The following ZNF142 variants were observed in gnomAD, a reference collection of about 807,000 sequenced individuals.
The protein encoded by ZNF142 is zinc finger protein 142, also known as zinc finger protein 142 (clone pHZ-49).
ZNF142 carries 96 observed loss-of-function variants against 132.1 expected under a neutral mutation model. The observed-to-expected ratio is 0.73, with a 90% CI of 0.62 to 0.86. The LOEUF (loss-of-function observed/expected upper bound fraction) is 0.86. Among genes scored for constraint, ZNF142 ranks in the 40% least tolerant of loss-of-function variants. ZNF142 has a pLI of 0.00. For missense variants in ZNF142, 2,163 were observed against 2,336.2 expected, an observed-to-expected ratio of 0.93 and a Z score of 1.53; for synonymous variants, 842 against 890.1, an observed-to-expected ratio of 0.95 and a Z score of 0.96.
chr2:218,649,329 G>A lies in ZNF142; in HGVS notation c.1179C>T (p.Cys393=). 6.2e-7 allele frequency: 1 copy of A among 1,614,230 alleles called. No individual in the cohort carries two copies. The highest frequency in any genetic ancestry group is 8.5e-7 in the Non-Finnish European group (1 of 1,180,040). Residue 393 remains cysteine (C), a synonymous_variant, in exon 7 of 11, where the codon TGC becomes TGT. Coordinates refer to ENST00000411696, the MANE Select transcript of ZNF142 (RefSeq NM_001379659.1). ...HLHFPDPSLQ[C]PNCQKFFTSK... ...TGGTGAAGAACTTCTGGCAGTTAGGGCACTGGAGGCTGGGGTCTGGGAAGT... is the reference window on the plus strand; with the variant it reads ...TGGTGAAGAACTTCTGGCAGTTAGGACACTGGAGGCTGGGGTCTGGGAAGT...
In ZNF142 at chr2:218,640,754, G is replaced by C; in HGVS notation, c.5104C>G (p.His1702Asp). Residue 1702 changes from histidine to aspartate, a missense_variant, in exon 10 of 11, where the codon CAC (histidine) becomes GAC (aspartate). His to Asp is a moderately conservative substitution (Grantham distance 81). Around this residue, in one of 7 missense-constraint regions of ZNF142, gnomAD observed 325 missense variants for 367.8 expected, o/e 0.88. Coordinates refer to ENST00000411696, the MANE Select transcript of ZNF142 (RefSeq NM_001379659.1). ...PSRLKYHMRIHKEERKYLCPE... is the reference protein window; with the variant it reads ...PSRLKYHMRIDKEERKYLCPE... ...CACAGGTACTTCCGTTCCTCCTTGT[G>C]GATCCGCATGTGGTACTGGAAGAGG... is the stretch of plus-strand genomic sequence containing the variant. The C allele has an allele frequency of 6.2e-7, 1 of 1,614,142 alleles. No individual in the cohort carries two copies. The highest frequency in any genetic ancestry group is 8.5e-7 in the Non-Finnish European group (1 of 1,180,018).
At position 218,656,323 on chromosome 2, in the gene ZNF142, A is replaced by G. The variant is rs754624032; in HGVS notation, c.107T>C (p.Ile36Thr). ...ACAGGGGCTCTGGACAGGCCCCAGG[A>G]TTCCACGGTTAGAGAGAGGCGGGGG... Reference protein sequence around the residue: ...LIPPPLSNRGILGPVQSPCPS... With the variant: ...LIPPPLSNRGTLGPVQSPCPS... Residue 36 changes from isoleucine (I) to threonine (T), a missense_variant, in exon 4 of 11, where the codon ATC (isoleucine) becomes ACC (threonine). Coordinates refer to ENST00000411696, the MANE Select transcript of ZNF142 (RefSeq NM_001379659.1). 1.2e-6 allele frequency: 2 copies of G among 1,603,224 alleles called. No homozygotes were observed. Among genetic ancestry groups the G allele is most frequent in the Admixed American group, 3.4e-5 (2 of 58,914 alleles).
rs376855597 is a variant in ZNF142 at position 218,642,965 on chromosome 2, C to T, written c.4151G>A (p.Arg1384His). 41 of 1,613,408 alleles carry T rather than the reference C, an allele frequency of 2.5e-5. No homozygotes were observed. In the Admixed American group the frequency reaches 3.5e-4, roughly 14 times the overall value. The change falls in exon 9 of 11, where the codon CGT becomes CAT. Residue 1384 changes from arginine (R) to histidine (H), a missense_variant. Arg to His is a conservative substitution (Grantham distance 29). Transcript: ENST00000411696. The surrounding 1 kb of genome is among the most constrained non-coding windows in gnomAD (Gnocchi z 4.6). The part of the protein sequence containing the change: ...GDCGFTCKQS[R>H]CMQQHRRLKH... ...GAGCCGCCGGTGCTGCTGCATGCAACGGCTCTGTTTACAGGTGAAGCCACA... is the reference window on the plus strand; with the variant it reads ...GAGCCGCCGGTGCTGCTGCATGCAATGGCTCTGTTTACAGGTGAAGCCACA...
rs781437365 is a variant in ZNF142 at position 218,646,216 on chromosome 2, T to C, written c.2006A>G (p.Lys669Arg). The C allele has an allele frequency of 6.2e-7, 1 of 1,614,198 alleles. No homozygotes were observed. The highest frequency in any genetic ancestry group is 8.5e-7 in the Non-Finnish European group (1 of 1,180,034). The part of the protein sequence containing the change: ...CTECGYVTKW[K>R]HYLRVHMRKH... ...TCGCATGTGCACACGGAGGTAGTGC[T>C]TCCACTTGGTGACATAGCCACATTC... Residue 669 changes from lysine (K) to arginine (R), a missense_variant, in exon 8 of 11, where the codon AAG becomes AGG. Physicochemically the swap from Lys to Arg is conservative, Grantham distance 26 (BLOSUM62 2). Transcript: ENST00000411696.
rs201776551 is a variant in ZNF142, at chr2:218,652,137, T to C, written c.444A>G (p.Pro148=). 16 of 448,990 alleles carry C rather than the reference T, an allele frequency of 3.6e-5. No individual in the cohort carries two copies. The highest frequency in any genetic ancestry group is 7.2e-5 in the Non-Finnish European group (16 of 222,282). 27.8% of individuals were successfully genotyped at this position (448,990 alleles called of 1,614,324 possible). A position where few individuals can be genotyped will look rare whatever the true frequency, so the allele number is the denominator to read the frequency against. The change falls in exon 5 of 11, where the codon CCA becomes CCG. Residue 148 remains proline, a synonymous_variant. Coordinates refer to ENST00000411696, the MANE Select transcript of ZNF142 (RefSeq NM_001379659.1). ...PCSVELPPSN[P]TLPGPLQGQS... is the part of the protein sequence containing the mutation. ...GGCCCTGCAGAGGGCCAGGGAGGGT[T>C]GGGTTGCTGGGAGGCAGCTCTACAG...
In ZNF142 at chr2:218,633,967, A is replaced by G; in HGVS notation, c.*4372T>C. On this transcript the variant is annotated 3_prime_UTR_variant, in exon 11 of 11. Coordinates refer to ENST00000411696, the MANE Select transcript of ZNF142 (RefSeq NM_001379659.1). ...CAGGAAAGCTGGTCTGGATGGACAGAGTAGAGAGGCACAGTGAAACTTTCT... is the reference window on the plus strand; with the variant it reads ...CAGGAAAGCTGGTCTGGATGGACAGGGTAGAGAGGCACAGTGAAACTTTCT... 7 of 1,283,796 alleles carry G rather than the reference A, an allele frequency of 5.5e-6. No individual in the cohort carries two copies. Among genetic ancestry groups the G allele is most frequent in the Middle Eastern group, 1.9e-4 (1 of 5,340 alleles). The allele number at this position is 1,283,796 out of a possible 1,614,324, so 79.5% of individuals were successfully genotyped here. A position where few individuals can be genotyped will look rare whatever the true frequency, so the allele number is the denominator to read the frequency against.
Position 218,637,054 on chromosome 2 carries a change from G to A in ZNF142, c.*1285C>T. ...CTCAAGGCTTCCCCAGCAAAGATTA[G>A]GGAAAGAGACTTGACCCCAGGACTG... On this transcript the variant is annotated 3_prime_UTR_variant, in exon 11 of 11. Transcript: ENST00000411696. The A allele has an allele frequency of 2.5e-6, 1 of 392,818 alleles. No individual in the cohort carries two copies. Among genetic ancestry groups the A allele is most frequent in the East Asian group, 7.1e-5 (1 of 14,132 alleles). 24.3% of individuals were successfully genotyped at this position (392,818 alleles called of 1,614,324 possible).
rs761673669 is a variant in ZNF142 at position 218,643,845 on chromosome 2, C to A, written c.3271G>T (p.Val1091Phe). The change falls in exon 9 of 11, where the codon GTT becomes TTT. Residue 1091 changes from valine (V) to phenylalanine (F), a missense_variant. Coordinates refer to ENST00000411696, the MANE Select transcript of ZNF142 (RefSeq NM_001379659.1). The stretch of plus-strand genomic sequence containing the variant: ...AAGCCCTTGTTCTTTCTGAGTAGAA[C>A]AGGGCACTTCTTCAGCAGGTGGGTG... ...LSTHLLKKCP[V>F]LLRKNKGLPR... is the part of the protein sequence containing the mutation. The A allele has an allele frequency of 3.7e-6, 6 of 1,614,018 alleles. No homozygotes were observed. The highest frequency in any genetic ancestry group is 2.2e-5 in the East Asian group (1 of 44,878).
chr2:218,642,481 T>C lies in ZNF142; in HGVS notation c.4635A>G (p.Gly1545=). The change falls in exon 9 of 11, where the codon GGA becomes GGG. Residue 1545 remains glycine (G), a synonymous_variant. Transcript: ENST00000411696. This position sits in a 1 kb window ranked among gnomAD's most constrained non-coding sequence, Gnocchi z 4.6. Reference sequence around the variant, plus strand: ...GCCGTGGGTGCTGTTTACGGGTGTGTCCTCGTAAGCTGGCAGGGCTGGGGC... The same window carrying C: ...GCCGTGGGTGCTGTTTACGGGTGTGCCCTCGTAAGCTGGCAGGGCTGGGGC... ...LLCPSPASLR[G]HTRKQHPRLE... is the part of the protein sequence containing the mutation. The C allele has an allele frequency of 6.2e-7, 1 of 1,608,652 alleles. No individual in the cohort carries two copies. Among genetic ancestry groups the C allele is most frequent in the Non-Finnish European group, 8.5e-7 (1 of 1,176,882 alleles).
rs1487926480 is a variant in ZNF142, at chr2:218,642,907, G to C, written c.4209C>G (p.Pro1403=). 6.2e-7 allele frequency: 1 copy of C among 1,614,004 alleles called. No individual in the cohort carries two copies. Among genetic ancestry groups the C allele is most frequent in the Non-Finnish European group, 8.5e-7 (1 of 1,180,030 alleles). The change falls in exon 9 of 11, where the codon CCC becomes CCG. Residue 1403 remains proline (P), a synonymous_variant. Transcript: ENST00000411696. The surrounding 1 kb of genome is among the most constrained non-coding windows in gnomAD (Gnocchi z 4.6). ...GTCTGGTGGTCGAAAAGTCACAGAA[G>C]GGGCACTGATGGGGCTTCACCCCCT... ...KHEGVKPHQC[P]FCDFSTTRRY... is the part of the protein sequence containing the mutation.
chr2:218,641,032 T>C (rs4674317), intron 9 of ZNF142, among the ~76,000 whole-genome samples: 2 of 151,234 alleles, frequency 1.3e-5, no homozygotes, highest in African/African-American at 4.9e-5. Context: ...CCTCCTGGGC[T>C]AAAGCGATCC....
intron 7 of ZNF142, 50 bp from the exon 8 acceptor site, chr2:218,646,398 T>C (rs745725970): frequency 1.3e-6 from 2 of 1,591,984 alleles, no homozygotes; most frequent in Admixed American, 3.4e-5. Context: ...CAGATACAGA[T>C]CAAGTGGACA....
In ZNF142 at chr2:218,648,972, C is replaced by A; in HGVS notation, c.1536G>T (p.Gly512=). 6.2e-7 allele frequency: 1 copy of A among 1,612,242 alleles called. No homozygotes were observed. The highest frequency in any genetic ancestry group is 8.5e-7 in the Non-Finnish European group (1 of 1,180,036). The change falls in exon 7 of 11, where the codon GGG becomes GGT. Residue 512 remains glycine, a synonymous_variant. Coordinates refer to ENST00000411696, the MANE Select transcript of ZNF142 (RefSeq NM_001379659.1). ...GATGGCGGCACTCCACAGCCCGCACCCCATGGGTCTCCTTCAGGTGCTTAA... is the reference window on the plus strand; with the variant it reads ...GATGGCGGCACTCCACAGCCCGCACACCATGGGTCTCCTTCAGGTGCTTAA... The part of the protein sequence containing the change: ...AFIKHLKETH[G]VRAVECRHHS...
rs1696932628 is a variant in ZNF142, at chr2:218,638,788, G to A, written c.5215C>T (p.Pro1739Ser). Residue 1739 changes from proline to serine, a missense_variant, in exon 11 of 11, where the codon CCC becomes TCC. Coordinates refer to ENST00000411696, the MANE Select transcript of ZNF142 (RefSeq NM_001379659.1). The part of the protein sequence containing the change: ...KHTGLKPYQC[P>S]ECEYCTNRAD... ...CGGTTGGTGCAGTACTCACACTCGG[G>A]ACACTGGTATGGCTTCAGTCCTACA... 2 of 1,603,200 alleles carry A rather than the reference G, an allele frequency of 1.2e-6. No individual in the cohort carries two copies. The highest frequency in any genetic ancestry group is 1.7e-6 in the Non-Finnish European group (2 of 1,178,812).
chr2:218,633,348 T>C lies in ZNF142; in HGVS notation c.*4991A>G, dbSNP rs1235371049. ...CAGAGGTTGACACTGATCCCAGCAG[T>C]ACATGCAGACCGCCTTTATTCCCAT... On this transcript the variant is annotated 3_prime_UTR_variant, in exon 11 of 11. Coordinates refer to ENST00000411696, the MANE Select transcript of ZNF142 (RefSeq NM_001379659.1). 1 of 703,232 alleles carries C rather than the reference T, an allele frequency of 1.4e-6. No homozygotes were observed. The highest frequency in any genetic ancestry group is 2.6e-6 in the Non-Finnish European group (1 of 385,112). The allele number at this position is 703,232 out of a possible 1,614,324, so 43.6% of individuals were successfully genotyped here. A position where few individuals can be genotyped will look rare whatever the true frequency, so the allele number is the denominator to read the frequency against.
chr2:218,636,789 C>A lies in ZNF142; in HGVS notation c.*1550G>T. 3.2e-6 allele frequency: 2 copies of A among 634,038 alleles called. No homozygotes were observed. The highest frequency in any genetic ancestry group is 5.7e-6 in the Non-Finnish European group (2 of 351,170). The allele number at this position is 634,038 out of a possible 1,614,324, so 39.3% of individuals were successfully genotyped here. ...TCTTCCCTTCCTTTGTTTTCATAAGCCTTTGGTATCTTTCCTGCCCTTTTC... is the reference window on the plus strand; with the variant it reads ...TCTTCCCTTCCTTTGTTTTCATAAGACTTTGGTATCTTTCCTGCCCTTTTC... On this transcript the variant is annotated 3_prime_UTR_variant, in exon 11 of 11. Coordinates refer to ENST00000411696, the MANE Select transcript of ZNF142 (RefSeq NM_001379659.1).
Position 218,643,572 on chromosome 2 carries a change from C to G in ZNF142, c.3544G>C (p.Asp1182His). The change falls in exon 9 of 11, where the codon GAC becomes CAC. Residue 1182 changes from aspartate to histidine, a missense_variant. Coordinates refer to ENST00000411696, the MANE Select transcript of ZNF142 (RefSeq NM_001379659.1). ...PTEAPKKHCF[D>H]PVPPAGNSSP... ...GAGTTTCCTGCAGGAGGGACTGGGT[C>G]AAAGCAGTGCTTCTTAGGGGCCTCT... 6.3e-7 allele frequency: 1 copy of G among 1,590,452 alleles called. No homozygotes were observed. The highest frequency in any genetic ancestry group is 8.6e-7 in the Non-Finnish European group (1 of 1,167,446).
At position 218,636,054 on chromosome 2, in the gene ZNF142, A is replaced by C; in HGVS notation, c.*2285T>G. The C allele has an allele frequency of 6.8e-7, 1 of 1,475,694 alleles. No homozygotes were observed. Among genetic ancestry groups the C allele is most frequent in the South Asian group, 1.3e-5 (1 of 77,574 alleles). 91.4% of individuals were successfully genotyped at this position (1,475,694 alleles called of 1,614,324 possible). Reference sequence around the variant, plus strand: ...CCCCACATGGGAGGCAGTGTGGAACAGTACAAAGAATCCTGGCTCTTCACT... The same window carrying C: ...CCCCACATGGGAGGCAGTGTGGAACCGTACAAAGAATCCTGGCTCTTCACT... On this transcript the variant is annotated 3_prime_UTR_variant, in exon 11 of 11. Transcript: ENST00000411696.
rs1697531499 is a variant in ZNF142 at position 218,644,234 on chromosome 2, G to C, written c.2882C>G (p.Pro961Arg). 6.2e-7 allele frequency: 1 copy of C among 1,613,970 alleles called. No homozygotes were observed. The highest frequency in any genetic ancestry group is 8.5e-7 in the Non-Finnish European group (1 of 1,180,010). The change falls in exon 9 of 11, where the codon CCA becomes CGA. Residue 961 changes from proline to arginine, a missense_variant. Physicochemically the swap from Pro to Arg is moderately radical, Grantham distance 103. Transcript: ENST00000411696. This position sits in a 1 kb window ranked among gnomAD's most constrained non-coding sequence, Gnocchi z 4.6. ...SAEENPLLEK[P>R]VSEPSTNPPS... ...AGGATTTGTGGAGGGCTCAGACACT[G>C]GCTTTTCCAGAAGGGGATTTTCTTC...
Sources: gnomAD v4.1 joint callset for allele counts (sites outside exome capture counted in the v4.1 genomes callset) on GRCh38, gnomAD v4.1.1 for gene constraint, gnomAD v4.1.1 regional missense constraint, Gnocchi (gnomAD v3.1) non-coding constraint, MANE v1.5 for transcripts, NCBI Gene and HGNC (gene_info 2026-07-23, HGNC 2026-07-21) for gene names.